The following POLN variants were observed in gnomAD, a reference collection of about 807,000 sequenced individuals.
POLN encodes the protein DNA polymerase N.
In POLN, 108 loss-of-function variants were observed where a neutral mutation model predicts 113.5. The observed-to-expected ratio is 0.95, with a 90% CI of 0.81 to 1.12. The LOEUF is 1.12. Ranked by LOEUF, POLN falls within the 50% of genes most tolerant of loss-of-function variation. POLN has a pLI of 0.00. For missense variants in POLN, 1,097 were observed against 1,077.1 expected (o/e 1.02, Z -0.26); for synonymous variants, 386 against 391.5 (o/e 0.99, Z 0.17).
At chr4:2,228,244 CAAA>C (rs199773336) in intron 3 of POLN, 53 of 56,494 alleles carry the variant, frequency 9.4e-4, no homozygotes, top group South Asian at 6.5e-3. Flanking sequence ...TTGCTAGTAG[CAAA>C]AAAAAAAAAA....
intron 23 of POLN, 50 bp downstream of exon 23, chr4:2,080,908 C>A: frequency 6.2e-7 from 1 of 1,612,800 alleles, no homozygotes; most frequent in Non-Finnish European, 8.5e-7. Context: ...GGTCTTCCCA[C>A]AGAATACTAA....
At chr4:2,090,247 T>TCTTGTTCTGG in intron 20 of POLN, 2 of 800,448 alleles carry the variant, frequency 2.5e-6, no homozygotes, top group East Asian at 2.4e-5. Context: ...TTCTACATGC[T>TCTTGTTCTGG]ATCTTGTTCC....
chr4:2,101,498 T>A (rs1730923733), intron 19 of POLN, among the ~76,000 whole-genome samples: 1 of 152,144 alleles, frequency 6.6e-6, no homozygotes, highest in Admixed American at 6.5e-5. Flanking sequence ...GGGGTGATAA[T>A]CTTTCTGTGG....
intron 19 of POLN, among the ~76,000 whole-genome samples, chr4:2,109,529 G>GTCA (rs1731143642): frequency 6.6e-6 from 1 of 152,164 alleles, no homozygotes; most frequent in South Asian, 2.1e-4. Flanking sequence ...CTTTAGTTCT[G>GTCA]TCAATTTTTG....
At chr4:2,240,861 C>T (rs1734959769) in intron 2 of POLN, 3 of 1,612,328 alleles carry the variant, frequency 1.9e-6, no homozygotes, top group Non-Finnish European at 8.5e-7. Context: ...CTCAAACAAC[C>T]AGTCAAAGTC....
intron 6 of POLN, among the ~76,000 whole-genome samples, chr4:2,195,106 G>GTT (rs1168598238): frequency 6.6e-6 from 1 of 152,014 alleles, no homozygotes. Context: ...TATTAAACAT[G>GTT]TTTTTGTGCA....
intron 2 of POLN, chr4:2,238,837 T>C (rs766137666): frequency 6.2e-7 from 1 of 1,612,902 alleles, no homozygotes; most frequent in Non-Finnish European, 8.5e-7. Context: ...GATTTAAAAC[T>C]AACTCTTGTC....
At chr4:2,204,063 C>G (rs371267451) in intron 5 of POLN, among the ~76,000 whole-genome samples, 1 of 132,524 alleles carries the variant, frequency 7.5e-6, no homozygotes, top group Admixed American at 8.5e-5. Flanking sequence ...GAGCTGAGAT[C>G]GCGCCATTAC....
chr4:2,129,164 G>A lies in POLN; in HGVS notation c.1867+15C>T, dbSNP rs1172527201. 1.3e-6 allele frequency: 2 copies of A among 1,548,340 alleles called. No individual in the cohort carries two copies. Among genetic ancestry groups the A allele is most frequent in the South Asian group, 1.1e-5 (1 of 89,690 alleles). ...AACCCTATGAAAATGCATAAAGCAAGCTACAGCAACGTACCTGCTGCTAGA... is the reference window on the plus strand; with the variant it reads ...AACCCTATGAAAATGCATAAAGCAAACTACAGCAACGTACCTGCTGCTAGA... On this transcript the variant is annotated intron_variant, in intron 18 of 25. Coordinates refer to ENST00000511885, the MANE Select transcript of POLN (RefSeq NM_181808.4).
rs987041299 is a variant in POLN, at chr4:2,127,023, C to T, written c.1982+1090G>A. Among the ~76,000 whole-genome samples, 1 of 152,064 alleles carries T rather than the reference C, an allele frequency of 6.6e-6. No homozygotes were observed. The highest frequency in any genetic ancestry group is 1.9e-4 in the East Asian group (1 of 5,170). On this transcript the variant is annotated intron_variant, in intron 19 of 25. Transcript: ENST00000511885. The surrounding 1 kb of genome is among the most constrained non-coding windows in gnomAD (Gnocchi z 4.7). The stretch of plus-strand genomic sequence containing the variant: ...TAGGACTCTGCTCCTCTGACTTCTC[C>T]GATCCCCATGATCTGCTTCCTCATC...
intron 17 of POLN, among the ~76,000 whole-genome samples, chr4:2,130,168 C>A (rs965417183): frequency 6.6e-6 from 1 of 151,698 alleles, no homozygotes; most frequent in Non-Finnish European, 1.5e-5. Flanking sequence ...GGCAGGAGAA[C>A]CCAGGAGGCG....
chr4:2,178,457 C>G (rs766094441), intron 8 of POLN, among the ~76,000 whole-genome samples: 8 of 152,212 alleles, frequency 5.3e-5, no homozygotes, highest in Non-Finnish European at 8.8e-5. Flanking sequence ...ACATTGCCAC[C>G]ACTAGACACC....
At chr4:2,091,526 A>G (rs1317582050) in intron 20 of POLN, among the ~76,000 whole-genome samples, 1 of 152,080 alleles carries the variant, frequency 6.6e-6, no homozygotes, top group African/African-American at 2.4e-5. Flanking sequence ...TTCCCCAAGC[A>G]GGATGGCTTT....
intron 20 of POLN, among the ~76,000 whole-genome samples, chr4:2,094,163 A>T (rs1222125595): frequency 6.6e-6 from 1 of 152,068 alleles, no homozygotes; most frequent in African/African-American, 2.4e-5. Flanking sequence ...CCTGGCCAAC[A>T]TGGTGAAACC....
chr4:2,233,863 A>G (rs1288869083), intron 2 of POLN, among the ~76,000 whole-genome samples: 1 of 152,234 alleles, frequency 6.6e-6, no homozygotes. Context: ...AGACACTTAT[A>G]TAGTGCTGGT....
intron 21 of POLN, among the ~76,000 whole-genome samples, chr4:2,081,947 CTTTTTTTTTTTT>C (rs71167773): frequency 1.1e-5 from 1 of 92,554 alleles, no homozygotes; most frequent in Admixed American, 1.1e-4. Context: ...GCACTCTGCA[CTTTTTTTTTTTT>C]TTTTTTTTTT....
Position 2,127,590 on chromosome 4 carries a change from T to C in POLN, c.1982+523A>G, listed in dbSNP as rs990517745. ...CCAGGAGGAAGAGAAGCCAACGTCCTGAGAATATGATGAAAAAGGACGGGC... is the reference window on the plus strand; with the variant it reads ...CCAGGAGGAAGAGAAGCCAACGTCCCGAGAATATGATGAAAAAGGACGGGC... On this transcript the variant is annotated intron_variant, in intron 19 of 25. Transcript: ENST00000511885. The surrounding 1 kb of genome is among the most constrained non-coding windows in gnomAD (Gnocchi z 4.7). Among the ~76,000 whole-genome samples the C allele has an allele frequency of 6.6e-6, 1 of 152,080 alleles. No individual in the cohort carries two copies. The highest frequency in any genetic ancestry group is 6.5e-5 in the Admixed American group (1 of 15,272).
intron 19 of POLN, among the ~76,000 whole-genome samples, chr4:2,103,831 A>G (rs1015731100): frequency 6.6e-6 from 1 of 152,238 alleles, no homozygotes; most frequent in Non-Finnish European, 1.5e-5. Flanking sequence ...AAAGCAAACA[A>G]ACAAAAACGC....
chr4:2,138,803 G>T (rs1187394268), intron 16 of POLN, among the ~76,000 whole-genome samples: 1 of 152,030 alleles, frequency 6.6e-6, no homozygotes, highest in Non-Finnish European at 1.5e-5. Context: ...TCGGGAGGCT[G>T]AGCTACTCTG....
Sources: allele counts gnomAD v4.1 joint callset (sites outside exome capture counted in the v4.1 genomes callset), GRCh38; gene constraint gnomAD v4.1.1; non-coding constraint Gnocchi (gnomAD v3.1); transcripts MANE v1.5; gene names NCBI Gene and HGNC (gene_info 2026-07-23, HGNC 2026-07-21).